Variants in ATXN2 observed in about 807,000 individuals in gnomAD.
ATXN2 encodes ataxin 2.
A neutral mutation model predicts 138.6 loss-of-function variants in ATXN2; 37 were observed. The ratio of observed to expected loss-of-function variants is 0.27; its 90% CI spans 0.21 to 0.35. The LOEUF is 0.35. Ranked by LOEUF, ATXN2 falls within the 10% of genes least tolerant of loss-of-function variation. The pLI is 1.00. For synonymous variants in ATXN2, 549 were observed against 543.7 expected (o/e 1.01, Z -0.13); for missense variants, 1,216 against 1,480.3 (o/e 0.82, Z 2.93).
At chr12:111,486,681 G>T in intron 16 of ATXN2, 80 bp downstream of exon 16, 1 of 1,184,698 alleles carries the variant, frequency 8.4e-7, no homozygotes, top group Non-Finnish European at 1.2e-6. Context: ...AATTCAGATG[G>T]CAGGTATGGA....
At chr12:111,494,222 G>A (rs954842447) in intron 14 of ATXN2, among the ~76,000 whole-genome samples, 12 of 151,638 alleles carry the variant, frequency 7.9e-5, no homozygotes, top group South Asian at 6.3e-4. Flanking sequence ...GAACCACTGC[G>A]CCTGGCTTAT....
chr12:111,581,888 C>G (rs1305482220), intron 1 of ATXN2: 1 of 248,260 alleles, frequency 4.0e-6, no homozygotes, highest in Non-Finnish European at 7.9e-6. Context: ...CTCTATCAGC[C>G]GTTTATCCTC....
intron 1 of ATXN2, among the ~76,000 whole-genome samples, chr12:111,584,266 C>G (rs1198854958): frequency 6.7e-6 from 1 of 149,998 alleles, no homozygotes; most frequent in Non-Finnish European, 1.5e-5. Context: ...CCTGTACTCC[C>G]AGCTACTCAG....
At chr12:111,541,321 C>T (rs1305542919) in intron 5 of ATXN2, among the ~76,000 whole-genome samples, 3 of 145,656 alleles carry the variant, frequency 2.1e-5, no homozygotes, top group Non-Finnish European at 3.1e-5. Flanking sequence ...ATGCTCCATA[C>T]GTAGCCACTG....
At chr12:111,508,077 A>G (rs894106649) in intron 14 of ATXN2, among the ~76,000 whole-genome samples, 3 of 152,014 alleles carry the variant, frequency 2.0e-5, no homozygotes. Flanking sequence ...TTCACTTTTT[A>G]TCTGCTGACC....
At chr12:111,502,954 G>A (rs1393938711) in intron 14 of ATXN2, among the ~76,000 whole-genome samples, 1 of 152,064 alleles carries the variant, frequency 6.6e-6, no homozygotes, top group African/African-American at 2.4e-5. Context: ...TTTTGGCTTG[G>A]GGGAAGTAGA....
chr12:111,564,002 A>T (rs1308114870), intron 1 of ATXN2, among the ~76,000 whole-genome samples: 1 of 152,214 alleles, frequency 6.6e-6, no homozygotes, highest in Non-Finnish European at 1.5e-5. Flanking sequence ...TCAGAAAATG[A>T]TGCCTCTTCC....
intron 1 of ATXN2, among the ~76,000 whole-genome samples, chr12:111,560,553 T>C (rs1041405330): frequency 6.6e-6 from 1 of 152,144 alleles, no homozygotes; most frequent in African/African-American, 2.4e-5. Flanking sequence ...AGAGTGATGG[T>C]AGGCATACCC....
chr12:111,525,302 A>G lies in ATXN2; in HGVS notation c.586T>C (p.Ser196Pro), dbSNP rs1566042764. 4 of 1,592,686 alleles carry G rather than the reference A, an allele frequency of 2.5e-6. No individual in the cohort carries two copies. Among genetic ancestry groups the G allele is most frequent in the Non-Finnish European group, 3.4e-6 (4 of 1,172,492 alleles). The change falls in exon 6 of 25, where the codon TCT (serine) becomes CCT (proline). Residue 196 changes from serine (S) to proline (P), a missense_variant. By Grantham distance (74) the Ser-to-Pro change is moderately conservative. Transcript: ENST00000673436. The part of the protein sequence containing the change: ...SYAKRDAFTD[S>P]AISAKVNGEH... ...CCATTCACTTTAGCACTGATAGCAG[A>G]GTCAGTAAAAGCATCTGCAAAGAAT...
At chr12:111,502,485 A>G (rs1878840904) in intron 14 of ATXN2, among the ~76,000 whole-genome samples, 1 of 151,816 alleles carries the variant, frequency 6.6e-6, no homozygotes, top group Non-Finnish European at 1.5e-5. Flanking sequence ...GCTGGAGTGC[A>G]GCGGCACGAT....
intron 20 of ATXN2, among the ~76,000 whole-genome samples, chr12:111,466,506 A>G (rs980131931): frequency 6.6e-6 from 1 of 152,248 alleles, no homozygotes; most frequent in Non-Finnish European, 1.5e-5. Flanking sequence ...ATCTCAAAAA[A>G]AGAGACATCA....
At chr12:111,555,157 A>T (rs924061521) in intron 2 of ATXN2, among the ~76,000 whole-genome samples, 84 of 152,326 alleles carry the variant, frequency 5.5e-4, no homozygotes, top group East Asian at 1.9e-4. Context: ...AGCAGCAGAA[A>T]AAAAGCACAT....
At chr12:111,482,196 T>A (rs1007213718) in intron 18 of ATXN2, among the ~76,000 whole-genome samples, 4 of 144,584 alleles carry the variant, frequency 2.8e-5, no homozygotes, top group African/African-American at 1.0e-4. Context: ...TACTATTTTT[T>A]TTTTTTTTTT....
chr12:111,476,817 T>C (rs1395140534), intron 18 of ATXN2, among the ~76,000 whole-genome samples: 2 of 152,202 alleles, frequency 1.3e-5, no homozygotes, highest in East Asian at 1.9e-4. Context: ...AGAACTGATA[T>C]AAAGATTCAG....
At chr12:111,513,075 T>C (rs1384326799) in intron 11 of ATXN2, 4 of 369,490 alleles carry the variant, frequency 1.1e-5, no homozygotes, top group East Asian at 6.7e-5. Flanking sequence ...ATGAACCTTA[T>C]AGGAATCTCA....
intron 14 of ATXN2, among the ~76,000 whole-genome samples, chr12:111,505,544 G>C (rs1254008877): frequency 6.6e-6 from 1 of 152,112 alleles, no homozygotes; most frequent in East Asian, 1.9e-4. Flanking sequence ...GATTTGAACA[G>C]ACATCAATCC....
chr12:111,596,074 C>T (rs1884924330), intron 1 of ATXN2, among the ~76,000 whole-genome samples: 1 of 152,132 alleles, frequency 6.6e-6, no homozygotes, highest in African/African-American at 2.4e-5. Flanking sequence ...GTAGCACGAA[C>T]CTGTAATCCC....
At chr12:111,599,619 C>G, upstream of ATXN2, 1 of 1,074,748 alleles carries the variant, frequency 9.3e-7, no homozygotes, top group Non-Finnish European at 1.1e-6. Flanking sequence ...GAGGTGGCCC[C>G]GGGGCCGGGA....
rs747154405 is a variant in ATXN2 at position 111,453,797 on chromosome 12, G to A, written c.3319C>T (p.Pro1107Ser). The change falls in exon 24 of 25, where the codon CCA becomes TCA. Residue 1107 changes from proline (P) to serine (S), a missense_variant. Transcript: ENST00000673436. The surrounding 1 kb of genome is among the most constrained non-coding windows in gnomAD (Gnocchi z 5.4). ...MVPSHPTAHA[P>S]MMLMTTQPPG... Reference sequence around the variant, plus strand: ...GGCTGTGTCGTCATTAGCATCATTGGCGCATGGGCAGTTGGATGAGAAGGA... The same window carrying A: ...GGCTGTGTCGTCATTAGCATCATTGACGCATGGGCAGTTGGATGAGAAGGA... 2.5e-6 allele frequency: 4 copies of A among 1,614,120 alleles called. No homozygotes were observed. Among genetic ancestry groups the A allele is most frequent in the Non-Finnish European group, 2.5e-6 (3 of 1,180,004 alleles).
Sources: allele counts gnomAD v4.1 joint callset (sites outside exome capture counted in the v4.1 genomes callset), GRCh38; gene constraint gnomAD v4.1.1; non-coding constraint Gnocchi (gnomAD v3.1); transcripts MANE v1.5; gene names NCBI Gene and HGNC (gene_info 2026-07-23, HGNC 2026-07-21).